The following RNF121 variants were observed in gnomAD, a reference collection of about 807,000 sequenced individuals.
RNF121 encodes the protein ring finger protein 121, also known as E3 ubiquitin ligase RNF121.
Under a neutral mutation model 46.5 loss-of-function variants are expected in RNF121, and 21 were observed. That is an observed-to-expected ratio of 0.45 (90% CI 0.32 to 0.65). The LOEUF is 0.65. Among genes scored for constraint, RNF121 ranks in the 30% least tolerant of loss-of-function variants. The pLI, the probability that RNF121 is intolerant of heterozygous loss-of-function variation, is 0.04. For missense variants in RNF121, 346 were observed against 416.0 expected (o/e 0.83, Z 1.46); for synonymous variants, 139 against 144.7 (o/e 0.96, Z 0.28).
chr11:71,946,867 CTTTTTTTT>C (rs34778760), intron 1 of RNF121, among the ~76,000 whole-genome samples: 5 of 98,408 alleles, frequency 5.1e-5, no homozygotes, highest in African/African-American at 2.1e-4. Context: ...TGCTCTGGCT[CTTTTTTTT>C]TTTTTTTTTT....
At chr11:71,970,857 C>G (rs1304382735) in intron 3 of RNF121, among the ~76,000 whole-genome samples, 1 of 151,910 alleles carries the variant, frequency 6.6e-6, no homozygotes, top group Non-Finnish European at 1.5e-5. Context: ...TAAGAATAGA[C>G]AAACAGATCA....
At chr11:71,980,554 C>T (rs529261065) in intron 3 of RNF121, among the ~76,000 whole-genome samples, 1 of 152,234 alleles carries the variant, frequency 6.6e-6, no homozygotes, top group East Asian at 1.9e-4. Flanking sequence ...ACCATGTTGG[C>T]CAGGCTGGTC....
intron 1 of RNF121, among the ~76,000 whole-genome samples, chr11:71,941,656 G>A (rs2134153252): frequency 1.3e-5 from 2 of 152,358 alleles, no homozygotes; most frequent in Middle Eastern, 6.8e-3. Flanking sequence ...GAAAGCCTCT[G>A]AGGAAATGCT....
chr11:71,995,051 G>A (rs75281208), intron 7 of RNF121, among the ~76,000 whole-genome samples, 199 bp downstream of exon 7: 5,744 of 152,306 alleles, frequency 0.038, 155 homozygotes, highest in Non-Finnish European at 0.059. Context: ...ACCTGGCTGG[G>A]TCTGAGAGGA....
intron 3 of RNF121, among the ~76,000 whole-genome samples, chr11:71,971,592 A>T (rs1460232075): frequency 6.6e-6 from 1 of 152,152 alleles, no homozygotes; most frequent in Non-Finnish European, 1.5e-5. Context: ...AAATCAACAA[A>T]AGACAGCAAC....
At chr11:71,935,525 T>C (rs1953384730) in intron 1 of RNF121, among the ~76,000 whole-genome samples, 1 of 152,216 alleles carries the variant, frequency 6.6e-6, no homozygotes. Flanking sequence ...ACTGGAGTCA[T>C]GGTATTTGTC....
chr11:71,971,131 C>G (rs570798588), intron 3 of RNF121, among the ~76,000 whole-genome samples: 1 of 152,196 alleles, frequency 6.6e-6, no homozygotes, highest in East Asian at 1.9e-4. Flanking sequence ...TGCCTGTAAT[C>G]CCGGCACTTT....
chr11:71,979,179 A>C (rs1486527042), intron 3 of RNF121, among the ~76,000 whole-genome samples: 1 of 152,220 alleles, frequency 6.6e-6, no homozygotes, highest in Non-Finnish European at 1.5e-5. Flanking sequence ...GAAGTCTGGG[A>C]TACAGAGCTA....
rs750650377 is a variant in RNF121, at chr11:71,996,358, A to G, written c.*43A>G. On this transcript the variant is annotated 3_prime_UTR_variant, in exon 9 of 9. Transcript: ENST00000361756. ...GGAAAACCCACCCCACACGCCATGG[A>G]CCTCAGGGCACTCTCCTCCCTGCCC... The G allele has an allele frequency of 6.2e-7, 1 of 1,603,790 alleles. No homozygotes were observed. The highest frequency in any genetic ancestry group is 8.5e-7 in the Non-Finnish European group (1 of 1,173,850).
intron 6 of RNF121, among the ~76,000 whole-genome samples, chr11:71,993,615 G>A (rs1469121738): frequency 1.3e-5 from 2 of 152,118 alleles, no homozygotes; most frequent in Non-Finnish European, 2.9e-5. Flanking sequence ...AGGCACTTGA[G>A]TTGTTTCCAC....
chr11:71,931,869 G>T (rs539310385), intron 1 of RNF121, among the ~76,000 whole-genome samples: 1 of 152,284 alleles, frequency 6.6e-6, no homozygotes, highest in Non-Finnish European at 1.5e-5. Flanking sequence ...TTTATTGATA[G>T]ACTCTAATGT....
intron 3 of RNF121, among the ~76,000 whole-genome samples, chr11:71,972,704 A>T (rs1261580239): frequency 1.3e-5 from 2 of 152,026 alleles, no homozygotes; most frequent in Non-Finnish European, 2.9e-5. Context: ...ATGTCTCCAG[A>T]CTGCCAAATG....
intron 2 of RNF121, among the ~76,000 whole-genome samples, chr11:71,959,789 C>G (rs910442285): frequency 5.9e-5 from 9 of 152,136 alleles, no homozygotes; most frequent in Non-Finnish European, 1.3e-4. Context: ...GCATGCACCA[C>G]CACACCCGGC....
chr11:71,942,772 G>GTATATA (rs1201537010), intron 1 of RNF121, among the ~76,000 whole-genome samples: 15 of 18,964 alleles, frequency 7.9e-4, no homozygotes, highest in African/African-American at 1.3e-3. Context: ...CTATATATCT[G>GTATATA]TATATATATA....
intron 1 of RNF121, among the ~76,000 whole-genome samples, chr11:71,954,807 A>G (rs1164437224): frequency 6.6e-6 from 1 of 151,818 alleles, no homozygotes; most frequent in African/African-American, 2.4e-5. Context: ...TCAAATGAAT[A>G]CTCCTTTCCC....
In RNF121 at chr11:71,969,139, G is replaced by A. The variant is rs1458891366; in HGVS notation, c.243+8248G>A. Among the ~76,000 whole-genome samples, 3 of 151,716 alleles carry A rather than the reference G, an allele frequency of 2.0e-5. No homozygotes were observed. The East Asian group carries it at 5.8e-4, about 29-fold the overall frequency. ...TGACCTCAGGTGATCCACCTGCCTC[G>A]GCCTCCCAAAGTGCTGGGATTACAG... On this transcript the variant is annotated intron_variant, in intron 3 of 8. Transcript: ENST00000361756.
chr11:71,993,563 T>C (rs568324565), intron 6 of RNF121, among the ~76,000 whole-genome samples: 1 of 152,344 alleles, frequency 6.6e-6, no homozygotes, highest in East Asian at 1.9e-4. Flanking sequence ...AGTATTCCAT[T>C]GTGTGTGACA....
intron 1 of RNF121, among the ~76,000 whole-genome samples, chr11:71,953,421 T>C (rs1161263496): frequency 6.6e-6 from 1 of 152,242 alleles, no homozygotes; most frequent in African/African-American, 2.4e-5. Flanking sequence ...AGTGTACAGA[T>C]GCGTATGGCT....
intron 1 of RNF121, among the ~76,000 whole-genome samples, chr11:71,946,353 GA>G (rs1953717847): frequency 6.6e-6 from 1 of 152,204 alleles, no homozygotes; most frequent in Non-Finnish European, 1.5e-5. Context: ...TTTGATGAGT[GA>G]AAGAAGACAG....
Sources: gnomAD v4.1 joint callset for allele counts (sites outside exome capture counted in the v4.1 genomes callset) on GRCh38, gnomAD v4.1.1 for gene constraint, MANE v1.5 for transcripts, NCBI Gene and HGNC (gene_info 2026-07-23, HGNC 2026-07-21) for gene names.